The following TBX20 variants were observed in gnomAD, a reference collection of about 807,000 sequenced individuals.
TBX20 encodes T-box transcription factor 20.
Under a neutral mutation model 42.9 loss-of-function variants are expected in TBX20, and 8 were observed. That is an observed-to-expected ratio of 0.19 (90% CI 0.11 to 0.34). TBX20 has a LOEUF of 0.34. Among genes scored for constraint, TBX20 ranks in the 10% least tolerant of loss-of-function variants. The pLI is 1.00. For synonymous variants in TBX20, 198 were observed against 222.8 expected (o/e 0.89, Z 0.99); for missense variants, 411 against 566.0 (o/e 0.73, Z 2.78).
chr7:35,247,165 C>CAAAA lies in TBX20; in HGVS notation c.545+1508_545+1511dup, dbSNP rs757916672. ...ACTTCTTAGAGGAAAGACTGGAGGG[C>CAAAA]AAAAAAAAAAAAAAAAAAAAAGAGG... On this transcript the variant is annotated intron_variant, in intron 3 of 7. Transcript: ENST00000408931. Among the ~76,000 whole-genome samples, 226 of 78,656 alleles carry CAAAA rather than the reference C, an allele frequency of 2.9e-3. 2 individuals are homozygous for CAAAA. Among genetic ancestry groups the CAAAA allele is most frequent in the South Asian group, 4.7e-3 (9 of 1,896 alleles). The allele number at this position is 78,656 out of a possible 152,430, so 51.6% of individuals were successfully genotyped here. A position where few individuals can be genotyped will look rare whatever the true frequency, so the allele number is the denominator to read the frequency against.
chr7:35,249,932 AC>A lies in TBX20; in HGVS notation c.380+18del, dbSNP rs555927269. ...CCTGACTCTCCACCCCCAACCCCCA[AC>A]CCCCAAGTCCCAACTACCTGCCCGA... On this transcript the variant is annotated intron_variant, in intron 2 of 7. Coordinates refer to ENST00000408931, the MANE Select transcript of TBX20 (RefSeq NM_001077653.2). The surrounding 1 kb of genome is among the most constrained non-coding windows in gnomAD (Gnocchi z 4.3). 2.7e-5 allele frequency: 43 copies of A among 1,580,080 alleles called. No individual in the cohort carries two copies. The South Asian group carries it at 4.2e-4, about 15-fold the overall frequency.
chr7:35,232,657 C>A (rs1310725272), intron 5 of TBX20, among the ~76,000 whole-genome samples: 2 of 152,124 alleles, frequency 1.3e-5, no homozygotes, highest in African/African-American at 4.8e-5. Context: ...AGATTCTTAA[C>A]AGGGGAAAAA....
rs766205738 is a variant in TBX20, at chr7:35,253,531, C to T, written c.90G>A (p.Lys30=). ...TTGTGTTCTCCGTCGCCTCCTTCTC[C>T]TTAGAGCCGCCGCTCGACATGAGCG... The part of the protein sequence containing the change: ...IAALMSSGGS[K]EKEATENTIK... The change falls in exon 1 of 8, where the codon AAG becomes AAA. Residue 30 remains lysine (K), a synonymous_variant. Coordinates refer to ENST00000408931, the MANE Select transcript of TBX20 (RefSeq NM_001077653.2). The T allele has an allele frequency of 2.1e-5, 34 of 1,612,598 alleles. No homozygotes were observed. The highest frequency in any genetic ancestry group is 2.8e-5 in the Non-Finnish European group (33 of 1,179,890).
chr7:35,250,784 G>A (rs1175530877), intron 1 of TBX20, among the ~76,000 whole-genome samples: 2 of 152,202 alleles, frequency 1.3e-5, no homozygotes, highest in Non-Finnish European at 2.9e-5. Flanking sequence ...CTTCACCTCT[G>A]TGCCTGACTT....
chr7:35,252,478 A>G (rs563823560), intron 1 of TBX20, among the ~76,000 whole-genome samples: 1 of 151,970 alleles, frequency 6.6e-6, no homozygotes, highest in Non-Finnish European at 1.5e-5. Flanking sequence ...CTCATCTTTA[A>G]GCCCAAACAC....
chr7:35,244,562 T>C (rs1790144040), intron 4 of TBX20, among the ~76,000 whole-genome samples: 1 of 152,232 alleles, frequency 6.6e-6, no homozygotes, highest in African/African-American at 2.4e-5. Context: ...CCTAGCCCTA[T>C]TCTCTCTAAG....
intron 6 of TBX20, among the ~76,000 whole-genome samples, chr7:35,219,582 T>C (rs1789646028): frequency 6.6e-6 from 1 of 152,248 alleles, no homozygotes; most frequent in African/African-American, 2.4e-5. Context: ...TGTGCCCCAC[T>C]GACCCTGCAC....
intron 6 of TBX20, among the ~76,000 whole-genome samples, chr7:35,210,021 T>C (rs556195409): frequency 2.6e-5 from 4 of 152,340 alleles, no homozygotes; most frequent in Non-Finnish European, 5.9e-5. Context: ...GCCCACTTTG[T>C]ATGACTTGAA....
At chr7:35,242,040 G>A (rs1790093115) in intron 4 of TBX20, among the ~76,000 whole-genome samples, 1 of 151,142 alleles carries the variant, frequency 6.6e-6, no homozygotes, top group Admixed American at 6.7e-5. Flanking sequence ...GGGACTCTCA[G>A]GAGACATCTG....
intron 5 of TBX20, among the ~76,000 whole-genome samples, chr7:35,240,035 C>T (rs1790045167): frequency 6.6e-6 from 1 of 152,148 alleles, no homozygotes; most frequent in Admixed American, 6.5e-5. Context: ...CAGGCATGTG[C>T]CACCGCACCT....
intron 4 of TBX20, among the ~76,000 whole-genome samples, chr7:35,241,628 T>C (rs1790084050): frequency 6.6e-6 from 1 of 152,142 alleles, no homozygotes; most frequent in African/African-American, 2.4e-5. Flanking sequence ...AAACAGGAAG[T>C]GCTCAGTAAA....
At chr7:35,233,054 A>C (rs982073852) in intron 5 of TBX20, among the ~76,000 whole-genome samples, 1 of 152,198 alleles carries the variant, frequency 6.6e-6, no homozygotes, top group Non-Finnish European at 1.5e-5. Flanking sequence ...ACTCTTGCCA[A>C]AAAGCAACTT....
intron 1 of TBX20, among the ~76,000 whole-genome samples, chr7:35,253,215 A>C (rs1790338494): frequency 6.6e-6 from 1 of 152,166 alleles, no homozygotes; most frequent in South Asian, 2.1e-4. Flanking sequence ...AATGTTTTTA[A>C]CCCAACAAAC....
intron 3 of TBX20, among the ~76,000 whole-genome samples, chr7:35,245,319 G>GTGTGTGTGTGTGTGT (rs3219698): frequency 7.5e-5 from 11 of 146,398 alleles, no homozygotes; most frequent in African/African-American, 2.8e-4. Flanking sequence ...TGTTTAAAGG[G>GTGTGTGTGTGTGTGT]GTGTGTGTGT....
At chr7:35,203,551 T>C (rs952441611) in intron 7 of TBX20, among the ~76,000 whole-genome samples, 2 of 152,216 alleles carry the variant, frequency 1.3e-5, no homozygotes, top group Admixed American at 6.5e-5. Flanking sequence ...TTTCTCTAGC[T>C]TGATTATTAG....
rs146313390 is a variant in TBX20 at position 35,245,624 on chromosome 7, G to A, written c.546-567C>T. On this transcript the variant is annotated intron_variant, in intron 3 of 7. Transcript: ENST00000408931. ...CATGGAGAACTCCCAGTAGTCCACC[G>A]ATCAGCTAGGATTCTGTTCTTCCTG... 3.8e-3 allele frequency among the ~76,000 whole-genome samples: 581 copies of A among 152,200 alleles called. 6 individuals are homozygous for A. Among genetic ancestry groups the A allele is most frequent in the African/African-American group, 0.013 (544 of 41,520 alleles).
chr7:35,206,430 C>T (rs941913295), intron 6 of TBX20, among the ~76,000 whole-genome samples: 5 of 152,176 alleles, frequency 3.3e-5, no homozygotes, highest in African/African-American at 4.8e-5. Flanking sequence ...CACCTATAAA[C>T]CCAGCTACTC....
chr7:35,206,909 T>C (rs1357484672), intron 6 of TBX20, among the ~76,000 whole-genome samples: 2 of 152,222 alleles, frequency 1.3e-5, no homozygotes. Flanking sequence ...TATATTATGG[T>C]TTATTCACTT....
At chr7:35,241,966 T>A (rs891199707) in intron 4 of TBX20, among the ~76,000 whole-genome samples, 1 of 152,146 alleles carries the variant, frequency 6.6e-6, no homozygotes, top group African/African-American at 2.4e-5. Flanking sequence ...TTTGGGGGTA[T>A]GTCTTTCCGG....
Sources: allele counts gnomAD v4.1 joint callset (sites outside exome capture counted in the v4.1 genomes callset), GRCh38; gene constraint gnomAD v4.1.1; non-coding constraint Gnocchi (gnomAD v3.1); transcripts MANE v1.5; gene names NCBI Gene and HGNC (gene_info 2026-07-23, HGNC 2026-07-21).